DLC1: variants seen among roughly 807,000 people sequenced by gnomAD.
DLC1 encodes the protein rho GTPase-activating protein 7.
A neutral mutation model predicts 140.3 loss-of-function variants in DLC1; 54 were observed. That is an observed-to-expected ratio of 0.38 (90% CI 0.31 to 0.48). The LOEUF is 0.48. Ranked by LOEUF, DLC1 falls within the 20% of genes least tolerant of loss-of-function variation. The pLI is 0.96. For synonymous variants in DLC1, 986 were observed against 728.1 expected (o/e 1.35, Z -5.70); for missense variants, 2,536 against 1,907.0 (o/e 1.33, Z -6.14).
chr8:13,117,076 C>T (rs1820618204), intron 5 of DLC1, among the ~76,000 whole-genome samples: 1 of 152,090 alleles, frequency 6.6e-6, no homozygotes, highest in Admixed American at 6.5e-5. Flanking sequence ...TTTGTCTCAG[C>T]AAGGAAATAA....
chr8:13,320,899 A>T (rs550269385), intron 4 of DLC1, among the ~76,000 whole-genome samples: 13 of 152,272 alleles, frequency 8.5e-5, no homozygotes, highest in African/African-American at 2.9e-4. Context: ...CTTTCTCCCC[A>T]GCTGTCTTTT....
chr8:13,200,157 C>T (rs910349309), intron 5 of DLC1, among the ~76,000 whole-genome samples: 6 of 152,116 alleles, frequency 3.9e-5, no homozygotes, highest in Non-Finnish European at 8.8e-5. Flanking sequence ...ATTCTCCTGC[C>T]TCTGCCTCCT....
Position 13,100,604 on chromosome 8 carries a change from G to C in DLC1, c.1733C>G (p.Pro578Arg), listed in dbSNP as rs772702716. Reference sequence around the variant, plus strand: ...GCTGAGGTCCATCAGCGTGCCTCCGGGGCTGGGGCCGTCCTTCGGGTGGGA... The same window carrying C: ...GCTGAGGTCCATCAGCGTGCCTCCGCGGCTGGGGCCGTCCTTCGGGTGGGA... ...DDSHPKDGPS[P>R]GGTLMDLSER... Residue 578 changes from proline (P) to arginine (R), a missense_variant, in exon 9 of 18, where the codon CCC (proline) becomes CGC (arginine). By Grantham distance (103) the Pro-to-Arg change is moderately radical. Transcript: ENST00000276297. 1 of 1,614,066 alleles carries C rather than the reference G, an allele frequency of 6.2e-7. No individual in the cohort carries two copies.
intron 5 of DLC1, among the ~76,000 whole-genome samples, chr8:13,295,011 A>C (rs1831894283): frequency 6.6e-6 from 1 of 152,332 alleles, no homozygotes; most frequent in East Asian, 1.9e-4. Flanking sequence ...ACTTCAACCG[A>C]AACATCTGTT....
At chr8:13,337,884 A>G (rs910737947) in intron 4 of DLC1, among the ~76,000 whole-genome samples, 4 of 152,170 alleles carry the variant, frequency 2.6e-5, no homozygotes, top group Admixed American at 2.0e-4. Flanking sequence ...CTAGTGATAT[A>G]AACTCCATGA....
chr8:13,292,075 C>G (rs957988965), intron 5 of DLC1, among the ~76,000 whole-genome samples: 1 of 150,264 alleles, frequency 6.7e-6, no homozygotes, highest in African/African-American at 2.5e-5. Flanking sequence ...AGGAAAATGT[C>G]TTGATATTTG....
chr8:13,600,713 A>T (rs1407697889), intron 1 of DLC1, among the ~76,000 whole-genome samples: 1 of 151,924 alleles, frequency 6.6e-6, no homozygotes, highest in Non-Finnish European at 1.5e-5. Context: ...ATTTTTATTT[A>T]AAGTAAATCT....
At chr8:13,360,929 TTTC>T (rs1563284110) in intron 4 of DLC1, among the ~76,000 whole-genome samples, 1 of 152,126 alleles carries the variant, frequency 6.6e-6, no homozygotes, top group African/African-American at 2.4e-5. Flanking sequence ...GTATTTTCCT[TTTC>T]TTAAAGAGAC....
intron 5 of DLC1, among the ~76,000 whole-genome samples, chr8:13,192,860 A>AT (rs1047952913): frequency 3.3e-5 from 5 of 152,198 alleles, no homozygotes; most frequent in Non-Finnish European, 5.9e-5. Context: ...CCTCGGAGGA[A>AT]TCCGACACTG....
At chr8:13,505,770 C>T (rs1312391092) in intron 1 of DLC1, among the ~76,000 whole-genome samples, 1 of 152,166 alleles carries the variant, frequency 6.6e-6, no homozygotes, top group Non-Finnish European at 1.5e-5. Flanking sequence ...CCTTTCCTTC[C>T]CTAACTCTCC....
chr8:13,452,792 A>C (rs558959130), intron 2 of DLC1, among the ~76,000 whole-genome samples: 1 of 152,216 alleles, frequency 6.6e-6, no homozygotes, highest in East Asian at 1.9e-4. Flanking sequence ...ACAATCATAC[A>C]CGCTTGGTCA....
chr8:13,402,217 C>G (rs1187217494), intron 2 of DLC1, among the ~76,000 whole-genome samples: 2 of 152,206 alleles, frequency 1.3e-5, no homozygotes, highest in Non-Finnish European at 2.9e-5. Flanking sequence ...ACAGCTCCCA[C>G]AACAATTTGT....
chr8:13,091,502 G>A (rs1818074230), intron 13 of DLC1, 70 bp from the exon 14 acceptor site: 8 of 1,420,862 alleles, frequency 5.6e-6, no homozygotes, highest in Non-Finnish European at 6.7e-6. Flanking sequence ...TATTATTCAA[G>A]GAAACCCAAA....
intron 1 of DLC1, among the ~76,000 whole-genome samples, chr8:13,596,000 T>A (rs1269241320): frequency 1.3e-5 from 2 of 152,048 alleles, no homozygotes; most frequent in South Asian, 4.1e-4. Flanking sequence ...CCCACAAACA[T>A]ATATACATAT....
At chr8:13,334,291 G>C (rs986517307) in intron 4 of DLC1, among the ~76,000 whole-genome samples, 1 of 152,116 alleles carries the variant, frequency 6.6e-6, no homozygotes, top group Non-Finnish European at 1.5e-5. Flanking sequence ...ACAGAGACAA[G>C]GCTAGTGTCA....
intron 4 of DLC1, among the ~76,000 whole-genome samples, chr8:13,363,028 C>T (rs1192002729): frequency 6.6e-6 from 1 of 152,004 alleles, no homozygotes; most frequent in Non-Finnish European, 1.5e-5. Flanking sequence ...CATTACCCTT[C>T]TACTGTGTGC....
intron 1 of DLC1, among the ~76,000 whole-genome samples, chr8:13,551,859 A>C (rs2117357564): frequency 8.0e-6 from 1 of 124,296 alleles, no homozygotes; most frequent in Middle Eastern, 5.1e-3. Context: ...CCTCTAGACA[A>C]GTGTGTGTAT....
intron 7 of DLC1, 80 bp downstream of exon 7, chr8:13,110,662 G>T (rs1820013567): frequency 1.5e-6 from 2 of 1,356,326 alleles, no homozygotes; most frequent in Admixed American, 1.9e-5. Context: ...AAGAACAAAA[G>T]CAAACAAAGC....
At chr8:13,333,938 T>C (rs1015517084) in intron 4 of DLC1, among the ~76,000 whole-genome samples, 2 of 152,200 alleles carry the variant, frequency 1.3e-5, no homozygotes, top group African/African-American at 4.8e-5. Context: ...AAAACAGTGA[T>C]GAACAGAATT....
Sources: allele counts gnomAD v4.1 joint callset (sites outside exome capture counted in the v4.1 genomes callset), GRCh38; gene constraint gnomAD v4.1.1; transcripts MANE v1.5; gene names NCBI Gene and HGNC (gene_info 2026-07-23, HGNC 2026-07-21).